The following DDX19B variants were observed in gnomAD, a reference collection of about 807,000 sequenced individuals.
The protein encoded by DDX19B is DEAD-box helicase 19B.
A neutral mutation model predicts 58.1 loss-of-function variants in DDX19B; 27 were observed. The ratio of observed to expected loss-of-function variants is 0.46; its 90% CI spans 0.34 to 0.64. The LOEUF is 0.64. DDX19B is among the 30% of genes least tolerant of loss of function. The pLI is 0.01. For missense variants in DDX19B, 399 were observed against 596.5 expected (o/e 0.67, Z 3.45); for synonymous variants, 187 against 214.4 (o/e 0.87, Z 1.12).
intron 4 of DDX19B, 40 bp from the exon 5 acceptor site, chr16:70,317,456 C>A: frequency 6.5e-7 from 1 of 1,529,246 alleles, no homozygotes; most frequent in South Asian, 1.1e-5. Context: ...CTTTCCTCAA[C>A]CAAAGAGACT....
At chr16:70,298,509 G>C (rs1338683972), upstream of DDX19B, among the ~76,000 whole-genome samples, 1 of 150,990 alleles carries the variant, frequency 6.6e-6, no homozygotes, top group African/African-American at 2.4e-5. Flanking sequence ...TTTTTTCCTA[G>C]ACAGAGTTTT....
upstream of DDX19B, among the ~76,000 whole-genome samples, chr16:70,290,370 T>C (rs563207908): frequency 3.9e-5 from 6 of 152,092 alleles, no homozygotes; most frequent in South Asian, 8.3e-4. Flanking sequence ...ACCCCGTCTC[T>C]ACTAAAAACA....
intron 7 of DDX19B, among the ~76,000 whole-genome samples, chr16:70,327,111 G>A (rs917961811): frequency 1.3e-5 from 2 of 152,126 alleles, no homozygotes; most frequent in South Asian, 4.2e-4. Context: ...TGGGATTACA[G>A]GCGTGAGCCA....
At chr16:70,298,250 A>G (rs976334489), upstream of DDX19B, among the ~76,000 whole-genome samples, 3 of 152,002 alleles carry the variant, frequency 2.0e-5, no homozygotes, top group Non-Finnish European at 4.4e-5. Flanking sequence ...TATTAAAAAT[A>G]GAAAAACTAG....
chr16:70,332,147 C>T (rs754757172), intron 10 of DDX19B, among the ~76,000 whole-genome samples: 2 of 152,156 alleles, frequency 1.3e-5, no homozygotes, highest in Non-Finnish European at 2.9e-5. Context: ...CAGGGATGCC[C>T]ATCTCCAGAA....
At chr16:70,295,312 G>C (rs534850960), upstream of DDX19B, among the ~76,000 whole-genome samples, 11 of 152,134 alleles carry the variant, frequency 7.2e-5, no homozygotes, top group African/African-American at 2.6e-4. Flanking sequence ...GTTTTGTTTT[G>C]AGACAGGCTG....
At chr16:70,332,346 G>C (rs1409046610) in intron 10 of DDX19B, among the ~76,000 whole-genome samples, 1 of 152,140 alleles carries the variant, frequency 6.6e-6, no homozygotes, top group Non-Finnish European at 1.5e-5. Context: ...AATGGCCCAG[G>C]CTGGAGTGCA....
At chr16:70,296,056 G>A (rs1961207396), upstream of DDX19B, among the ~76,000 whole-genome samples, 3 of 149,612 alleles carry the variant, frequency 2.0e-5, no homozygotes, top group Non-Finnish European at 4.4e-5. Context: ...CCAGGCTGGA[G>A]TGCAGTGGCA....
chr16:70,330,073 G>A lies in DDX19B; in HGVS notation c.1023+5G>A. 1 of 1,613,944 alleles carries A rather than the reference G, an allele frequency of 6.2e-7. No individual in the cohort carries two copies. The highest frequency in any genetic ancestry group is 1.1e-5 in the South Asian group (1 of 91,076). The stretch of plus-strand genomic sequence containing the variant: ...CAAGCCATGATCTTCTGCCATGTGA[G>A]TAGCAGTGGCAGTGGCAGGCCTGGC... On this transcript the variant is annotated splice_donor_5th_base_variant and intron_variant, in intron 9 of 11. Transcript: ENST00000288071.
intron 7 of DDX19B, among the ~76,000 whole-genome samples, chr16:70,327,039 T>C (rs1041377213): frequency 6.6e-6 from 1 of 150,680 alleles, no homozygotes; most frequent in Non-Finnish European, 1.5e-5. Flanking sequence ...TTTCACTGTG[T>C]TAGCCAGGAT....
At chr16:70,298,341 G>C (rs905154057), upstream of DDX19B, among the ~76,000 whole-genome samples, 1 of 152,100 alleles carries the variant, frequency 6.6e-6, no homozygotes, top group East Asian at 2.0e-4. Flanking sequence ...AGGAGGTGGA[G>C]GTTGCAGTGA....
intron 10 of DDX19B, among the ~76,000 whole-genome samples, chr16:70,332,205 C>T (rs1398395122): frequency 6.6e-6 from 1 of 152,206 alleles, no homozygotes; most frequent in African/African-American, 2.4e-5. Context: ...ATTTTGTTGG[C>T]ACCTGCCAAA....
At chr16:70,309,749 C>T (rs1250393459) in intron 1 of DDX19B, among the ~76,000 whole-genome samples, 7 of 120,526 alleles carry the variant, frequency 5.8e-5, no homozygotes, top group African/African-American at 9.6e-5. Context: ...ACCCAGGAGG[C>T]GGAGGTTGCA....
At chr16:70,320,784 CCT>C (rs1287889899) in intron 5 of DDX19B, among the ~76,000 whole-genome samples, 1 of 151,260 alleles carries the variant, frequency 6.6e-6, no homozygotes, top group Non-Finnish European at 1.5e-5. Flanking sequence ...GTCTTGAACT[CCT>C]GACCTCGTGA....
chr16:70,314,525 G>C (rs1398093921), intron 2 of DDX19B, among the ~76,000 whole-genome samples: 2 of 151,958 alleles, frequency 1.3e-5, no homozygotes, highest in South Asian at 2.1e-4. Flanking sequence ...TTAGCTGGGC[G>C]TGGTGGCGGG....
At chr16:70,332,720 C>T (rs1206336517) in intron 10 of DDX19B, among the ~76,000 whole-genome samples, 2 of 152,132 alleles carry the variant, frequency 1.3e-5, no homozygotes, top group African/African-American at 4.8e-5. Context: ...TCATTCATCA[C>T]CTCTCCCTGC....
At chr16:70,305,666 G>GA (rs972709874) in intron 1 of DDX19B, among the ~76,000 whole-genome samples, 3 of 151,392 alleles carry the variant, frequency 2.0e-5, no homozygotes, top group East Asian at 1.9e-4. Context: ...TATACACTTA[G>GA]AAAAAAAACA....
At chr16:70,324,532 T>C in intron 5 of DDX19B, 53 bp from the exon 6 acceptor site, 1 of 1,525,316 alleles carries the variant, frequency 6.6e-7, no homozygotes, top group Non-Finnish European at 9.0e-7. Context: ...TTTTAAACTT[T>C]GTTAACTAAA....
intron 2 of DDX19B, 62 bp from the exon 3 acceptor site, chr16:70,314,840 A>C (rs780285044): frequency 6.3e-7 from 1 of 1,578,142 alleles, no homozygotes; most frequent in Non-Finnish European, 8.7e-7. Flanking sequence ...TAGAATTTGA[A>C]TTGTCTCAAC....
Sources: allele counts gnomAD v4.1 joint callset (sites outside exome capture counted in the v4.1 genomes callset), GRCh38; gene constraint gnomAD v4.1.1; transcripts MANE v1.5; gene names NCBI Gene and HGNC (gene_info 2026-07-23, HGNC 2026-07-21).